Variants in RPRD1A observed in about 807,000 individuals in gnomAD.
RPRD1A encodes regulation of nuclear pre-mRNA domain-containing protein 1A.
RPRD1A carries 9 observed loss-of-function variants against 37.8 expected under a neutral mutation model. That is an observed-to-expected ratio of 0.24 (90% CI 0.14 to 0.42). RPRD1A has a LOEUF of 0.42. Ranked by LOEUF, RPRD1A falls within the 10% of genes least tolerant of loss-of-function variation. RPRD1A has a pLI of 1.00. For synonymous variants in RPRD1A, 138 were observed against 139.7 expected, an observed-to-expected ratio of 0.99 and a Z score of 0.08; for missense variants, 255 against 371.0, an observed-to-expected ratio of 0.69 and a Z score of 2.57.
chr18:36,036,221 C>T (rs548920245), intron 1 of RPRD1A, among the ~76,000 whole-genome samples: 24 of 152,146 alleles, frequency 1.6e-4, no homozygotes, highest in Admixed American at 4.6e-4. Flanking sequence ...CACAGGCACA[C>T]GCCACCATGC....
At chr18:36,010,999 AAAT>A (rs1475793728) in intron 6 of RPRD1A, among the ~76,000 whole-genome samples, 2 of 152,208 alleles carry the variant, frequency 1.3e-5, no homozygotes, top group African/African-American at 4.8e-5. Flanking sequence ...ATAGACATAA[AAAT>A]ACTACAGACA....
chr18:36,047,207 C>CAAAA (rs1913022111), intron 1 of RPRD1A, among the ~76,000 whole-genome samples: 7 of 136,674 alleles, frequency 5.1e-5, no homozygotes, highest in Non-Finnish European at 1.1e-4. Flanking sequence ...GACCCTGTCT[C>CAAAA]GAAATAAATA....
In RPRD1A at chr18:36,019,102, ATTTTTTT is replaced by A. The variant is rs946306446; in HGVS notation, c.789+7791_789+7797del. Among the ~76,000 whole-genome samples the A allele has an allele frequency of 4.2e-5, 5 of 118,534 alleles. No homozygotes were observed. In the East Asian group the frequency reaches 7.2e-4, roughly 17 times the overall value. The allele number at this position is 118,534 out of a possible 152,430, so 77.8% of individuals were successfully genotyped here. A position where few individuals can be genotyped will look rare whatever the true frequency, so the allele number is the denominator to read the frequency against. On this transcript the variant is annotated intron_variant, in intron 6 of 6. Coordinates refer to ENST00000399022, the MANE Select transcript of RPRD1A (RefSeq NM_018170.5). ...TCCAAAAGTGTAATGGGGACCATTG[ATTTTTTT>A]TTTTTTTTTTTTTTTGGAGACAGAG...
At chr18:36,005,937 A>AGCG (rs996709884) in intron 6 of RPRD1A, among the ~76,000 whole-genome samples, 1 of 89,782 alleles carries the variant, frequency 1.1e-5, no homozygotes, top group Admixed American at 9.7e-5. Flanking sequence ...TCAAAATGTG[A>AGCG]GGAGCTGTTT....
intron 6 of RPRD1A, among the ~76,000 whole-genome samples, chr18:36,021,060 A>C (rs1910962044): frequency 6.6e-6 from 1 of 152,224 alleles, no homozygotes; most frequent in African/African-American, 2.4e-5. Context: ...AACTCAGTTA[A>C]ACATAAAATA....
At chr18:36,064,642 T>C (rs2088986495) in intron 1 of RPRD1A, among the ~76,000 whole-genome samples, 1 of 152,140 alleles carries the variant, frequency 6.6e-6, no homozygotes, top group Non-Finnish European at 1.5e-5. Context: ...ATCAGCACTC[T>C]GTCAAAACGG....
At chr18:35,997,498 C>T (rs977747051) in intron 6 of RPRD1A, among the ~76,000 whole-genome samples, 2 of 150,784 alleles carry the variant, frequency 1.3e-5, no homozygotes, top group African/African-American at 5.0e-5. Context: ...GCAAAACATT[C>T]AACACCCAAC....
chr18:36,047,493 T>A (rs1211715944), intron 1 of RPRD1A, among the ~76,000 whole-genome samples: 1 of 151,480 alleles, frequency 6.6e-6, no homozygotes, highest in East Asian at 1.9e-4. Context: ...CAGAGACCAA[T>A]GAAAACAAAA....
chr18:36,064,954 G>A (rs149460603), intron 1 of RPRD1A, among the ~76,000 whole-genome samples: 26 of 147,966 alleles, frequency 1.8e-4, no homozygotes, highest in African/African-American at 3.8e-4. Flanking sequence ...AACTCCAGAC[G>A]CACTGCCTTT....
chr18:36,047,091 C>A (rs139862305), intron 1 of RPRD1A, among the ~76,000 whole-genome samples: 3 of 152,016 alleles, frequency 2.0e-5, no homozygotes, highest in Admixed American at 2.0e-4. Flanking sequence ...CATGGTGGCT[C>A]ATACCTGTAG....
In RPRD1A at chr18:35,992,822, C is replaced by G. The variant is rs1908789051; in HGVS notation, c.*329G>C. ...AAATGCTGAAGAAAATAAAGAAAAA[C>G]AATTGAAAATACCTGAAGAAATACA... On this transcript the variant is annotated 3_prime_UTR_variant, in exon 7 of 7. Transcript: ENST00000399022. The G allele has an allele frequency of 5.3e-6, 1 of 187,776 alleles. No individual in the cohort carries two copies. Among genetic ancestry groups the G allele is most frequent in the Admixed American group, 5.9e-5 (1 of 16,906 alleles). 11.6% of individuals were successfully genotyped at this position (187,776 alleles called of 1,614,324 possible).
At chr18:36,057,243 CAT>C (rs914715871) in intron 1 of RPRD1A, among the ~76,000 whole-genome samples, 1 of 150,328 alleles carries the variant, frequency 6.7e-6, no homozygotes, top group Non-Finnish European at 1.5e-5. Flanking sequence ...CAACAACAAA[CAT>C]ATATATATAT....
chr18:36,016,252 C>T (rs1910564308), intron 6 of RPRD1A, among the ~76,000 whole-genome samples: 1 of 152,106 alleles, frequency 6.6e-6, no homozygotes, highest in South Asian at 2.1e-4. Flanking sequence ...GGCAGAGTTT[C>T]ACTCTCGTTG....
At chr18:36,017,982 G>GA (rs1318606642) in intron 6 of RPRD1A, among the ~76,000 whole-genome samples, 4 of 152,124 alleles carry the variant, frequency 2.6e-5, no homozygotes, top group Admixed American at 1.3e-4. Flanking sequence ...TACAGAAGGG[G>GA]AAAAAATGCA....
intron 6 of RPRD1A, among the ~76,000 whole-genome samples, chr18:36,009,233 C>T (rs1910015537): frequency 6.6e-6 from 1 of 152,058 alleles, no homozygotes; most frequent in Non-Finnish European, 1.5e-5. Flanking sequence ...TGGATTATCC[C>T]AGCAACTGGT....
At chr18:36,060,358 G>A (rs12968183) in intron 1 of RPRD1A, among the ~76,000 whole-genome samples, 42 of 151,894 alleles carry the variant, frequency 2.8e-4, no homozygotes, top group Non-Finnish European at 4.7e-4. Context: ...GCATGAACCC[G>A]GGAAGGTGGA....
chr18:36,028,330 A>G (rs774530342), intron 4 of RPRD1A: 4 of 152,152 alleles, frequency 2.6e-5, no homozygotes, highest in Non-Finnish European at 4.4e-5. Flanking sequence ...ACGTGTGCTC[A>G]CTCATTAGAA....
chr18:36,019,397 G>A (rs145850872), intron 6 of RPRD1A, among the ~76,000 whole-genome samples: 3,840 of 152,032 alleles, frequency 0.025, 178 homozygotes, highest in African/African-American at 0.087. Flanking sequence ...ATGAGCCACC[G>A]CGCCTGGCCC....
intron 6 of RPRD1A, among the ~76,000 whole-genome samples, chr18:36,010,944 T>A (rs2144203555): frequency 6.6e-6 from 1 of 152,316 alleles, no homozygotes; most frequent in South Asian, 2.1e-4. Flanking sequence ...TACTAAGATT[T>A]AACTAGCAAA....
Sources: allele counts gnomAD v4.1 joint callset (sites outside exome capture counted in the v4.1 genomes callset), GRCh38; gene constraint gnomAD v4.1.1; transcripts MANE v1.5; gene names NCBI Gene and HGNC (gene_info 2026-07-23, HGNC 2026-07-21).